The following COL4A3 variants were observed in gnomAD, a reference collection of about 807,000 sequenced individuals.
COL4A3 encodes the protein collagen type IV alpha 3 chain, also known as collagen alpha-3(IV) chain.
COL4A3 carries 135 observed loss-of-function variants against 217.4 expected under a neutral mutation model. The ratio of observed to expected loss-of-function variants is 0.62; its 90% CI spans 0.54 to 0.72. The LOEUF is 0.72. COL4A3 is among the 30% of genes least tolerant of loss of function. The pLI is 0.00. For synonymous variants in COL4A3, 690 were observed against 736.3 expected (o/e 0.94, Z 1.02); for missense variants, 1,868 against 2,119.9 (o/e 0.88, Z 2.33).
intron 13 of COL4A3, 86 bp from the exon 14 acceptor site, chr2:227,254,026 G>A: frequency 8.0e-7 from 1 of 1,242,854 alleles, no homozygotes; most frequent in South Asian, 1.2e-5. Flanking sequence ...CCAGTTTATT[G>A]AACAGATAGA....
chr2:227,293,875 CA>C (rs776166003), intron 38 of COL4A3: 14 of 444,142 alleles, frequency 3.2e-5, no homozygotes, highest in Non-Finnish European at 6.5e-5. Context: ...CTTATAAAGA[CA>C]CCACTCACAT....
chr2:227,291,562 CAAAAAAAAAAAAAAAAACAA>C (rs199615468), intron 37 of COL4A3, among the ~76,000 whole-genome samples: 12,254 of 34,092 alleles, frequency 0.36, 572 homozygotes, highest in East Asian at 0.48. Context: ...GACTCCGTCT[CAAAAAAAAAAAAAAAAACAA>C]AAAAAAAAAA....
At chr2:227,174,630 C>T (rs555320791) in intron 1 of COL4A3, among the ~76,000 whole-genome samples, 2 of 152,140 alleles carry the variant, frequency 1.3e-5, no homozygotes, top group South Asian at 4.2e-4. Context: ...CCTCAGCCTC[C>T]CGAGTAGCTG....
intron 9 of COL4A3, among the ~76,000 whole-genome samples, chr2:227,249,232 T>TATATATATATATATATATATATA (rs1559865184): frequency 7.0e-5 from 1 of 14,206 alleles, no homozygotes; most frequent in Non-Finnish European, 1.9e-4. Flanking sequence ...ATATATATAT[T>TATATATATATATATATATATATA]TTTTTTTTTT....
intron 1 of COL4A3, among the ~76,000 whole-genome samples, chr2:227,181,110 A>G (rs1051472201): frequency 2.0e-5 from 3 of 152,312 alleles, no homozygotes; most frequent in African/African-American, 7.2e-5. Context: ...AGGTACCTCA[A>G]TGAAAATACC....
Position 227,311,941 on chromosome 2 carries a change from T to A in COL4A3, c.*71T>A, listed in dbSNP as rs781576575. 1.3e-6 allele frequency: 2 copies of A among 1,590,460 alleles called. No individual in the cohort carries two copies. The highest frequency in any genetic ancestry group is 2.7e-5 in the African/African-American group (2 of 74,532). On this transcript the variant is annotated 3_prime_UTR_variant, in exon 52 of 52. Coordinates refer to ENST00000396578, the MANE Select transcript of COL4A3 (RefSeq NM_000091.5). Reference sequence around the variant, plus strand: ...AAGTAATGACAGAACATGCTGTTATTTAGGTATTTTTCTTTAACCAAACAA... The same window carrying A: ...AAGTAATGACAGAACATGCTGTTATATAGGTATTTTTCTTTAACCAAACAA...
Position 227,314,283 on chromosome 2 carries a change from A to C in COL4A3, c.*2413A>C, listed in dbSNP as rs1034766097. 2.6e-5 allele frequency: 4 copies of C among 152,656 alleles called. No homozygotes were observed. Among genetic ancestry groups the C allele is most frequent in the African/African-American group, 9.6e-5 (4 of 41,452 alleles). The allele number at this position is 152,656 out of a possible 1,614,324, so 9.5% of individuals were successfully genotyped here. A position where few individuals can be genotyped will look rare whatever the true frequency, so the allele number is the denominator to read the frequency against. ...ATGCTAAAACCTGAAATTCCAATGAAGCCATATGAACAGCTGTTCAGTTGC... is the reference window on the plus strand; with the variant it reads ...ATGCTAAAACCTGAAATTCCAATGACGCCATATGAACAGCTGTTCAGTTGC... On this transcript the variant is annotated 3_prime_UTR_variant, in exon 52 of 52. Transcript: ENST00000396578.
intron 1 of COL4A3, among the ~76,000 whole-genome samples, chr2:227,194,753 G>A (rs2066404037): frequency 1.3e-5 from 2 of 152,172 alleles, no homozygotes; most frequent in African/African-American, 4.8e-5. Flanking sequence ...TAGAAATGCT[G>A]TAAATTCATA....
At chr2:227,300,487 C>G (rs745582730) in intron 43 of COL4A3, among the ~76,000 whole-genome samples, 3 of 152,216 alleles carry the variant, frequency 2.0e-5, no homozygotes, top group Admixed American at 6.5e-5. Flanking sequence ...CATATTCTCT[C>G]TCTCAACACC....
At chr2:227,185,349 C>T (rs16823306) in intron 1 of COL4A3, among the ~76,000 whole-genome samples, 3 of 152,160 alleles carry the variant, frequency 2.0e-5, no homozygotes, top group African/African-American at 4.8e-5. Context: ...CAGGGCTTTT[C>T]GCAGTTACCC....
chr2:227,257,994 G>C (rs1203780940), intron 18 of COL4A3, among the ~76,000 whole-genome samples: 1 of 152,160 alleles, frequency 6.6e-6, no homozygotes, highest in African/African-American at 2.4e-5. Flanking sequence ...ACCTGGGCCC[G>C]GGTTATGACA....
chr2:227,197,147 A>C (rs950080884), intron 1 of COL4A3, among the ~76,000 whole-genome samples: 1 of 152,220 alleles, frequency 6.6e-6, no homozygotes, highest in Non-Finnish European at 1.5e-5. Flanking sequence ...CTGTTGGTCC[A>C]TTAAAATTAA....
intron 1 of COL4A3, among the ~76,000 whole-genome samples, chr2:227,226,495 A>G (rs2068101570): frequency 7.1e-6 from 1 of 140,828 alleles, no homozygotes; most frequent in African/African-American, 2.6e-5. Context: ...TTTTAGATGG[A>G]GTCTTGCTCT....
rs1224663166 is a variant in COL4A3 at position 227,203,501 on chromosome 2, A to G, written c.88-34467A>G. 4.6e-5 allele frequency among the ~76,000 whole-genome samples: 3 copies of G among 65,238 alleles called. 1 individual carries two copies. The highest frequency in any genetic ancestry group is 8.6e-5 in the Non-Finnish European group (3 of 34,890). The allele number at this position is 65,238 out of a possible 152,430, so 42.8% of individuals were successfully genotyped here. A position where few individuals can be genotyped will look rare whatever the true frequency, so the allele number is the denominator to read the frequency against. Reference sequence around the variant, plus strand: ...TATACATATGTGTGTATATGTGTATATATACATATATGTGTGTATATATGT... The same window carrying G: ...TATACATATGTGTGTATATGTGTATGTATACATATATGTGTGTATATATGT... On this transcript the variant is annotated intron_variant, in intron 1 of 51. Transcript: ENST00000396578.
chr2:227,240,367 G>A (rs2068952213), intron 3 of COL4A3, 135 bp downstream of exon 3: 6 of 810,398 alleles, frequency 7.4e-6, no homozygotes, highest in South Asian at 1.5e-5. Context: ...CCTGGTTTCC[G>A]GTATTAGTGG....
chr2:227,301,292 C>T (rs748539453), intron 43 of COL4A3, among the ~76,000 whole-genome samples: 43 of 152,278 alleles, frequency 2.8e-4, no homozygotes, highest in Admixed American at 4.6e-4. Context: ...GCTCTCTCTA[C>T]CATGTAAATT....
At chr2:227,215,300 T>C (rs1443059083) in intron 1 of COL4A3, among the ~76,000 whole-genome samples, 1 of 152,200 alleles carries the variant, frequency 6.6e-6, no homozygotes, top group African/African-American at 2.4e-5. Flanking sequence ...TTAATCATTC[T>C]ATGTATTTAC....
In COL4A3 at chr2:227,307,746, G is replaced by C. The variant is rs774856700; in HGVS notation, c.4289G>C (p.Gly1430Ala). ...AGSDGLPGLKGKRGDSGSPAT... is the reference protein window; with the variant it reads ...AGSDGLPGLKAKRGDSGSPAT... ...TCAGATGGATTGCCAGGTTTGAAAG[G>C]AAAACGTGGAGACAGTGGATCACCT... The change falls in exon 48 of 52, where the codon GGA becomes GCA. Residue 1430 changes from glycine (G) to alanine (A), a missense_variant. By Grantham distance (60) the Gly-to-Ala change is moderately conservative. Transcript: ENST00000396578. 6.2e-7 allele frequency: 1 copy of C among 1,614,190 alleles called. No homozygotes were observed.
intron 47 of COL4A3, 51 bp downstream of exon 47, chr2:227,305,134 G>A: frequency 2.0e-6 from 3 of 1,530,190 alleles, no homozygotes; most frequent in Non-Finnish European, 1.8e-6. Context: ...TCGACATACA[G>A]AGAAGTCTTG....
Sources: allele counts gnomAD v4.1 joint callset (sites outside exome capture counted in the v4.1 genomes callset), GRCh38; gene constraint gnomAD v4.1.1; transcripts MANE v1.5; gene names NCBI Gene and HGNC (gene_info 2026-07-23, HGNC 2026-07-21).